The following GPD2 variants were observed in gnomAD, a reference collection of about 807,000 sequenced individuals.
The protein encoded by GPD2 is glycerol-3-phosphate dehydrogenase, mitochondrial.
In GPD2, 54 loss-of-function variants were observed where a neutral mutation model predicts 82.4. The observed-to-expected ratio is 0.66, with a 90% CI of 0.53 to 0.82. GPD2 has a LOEUF of 0.82. Ranked by LOEUF, GPD2 falls within the 40% of genes least tolerant of loss-of-function variation. The probability of loss-of-function intolerance (pLI) is 0.00; values close to 1 mark genes in which losing one functional copy is unlikely to be tolerated. For missense variants in GPD2, 748 were observed against 896.2 expected (o/e 0.83, Z 2.11); for synonymous variants, 288 against 306.1 (o/e 0.94, Z 0.62).
At chr2:156,454,938 C>T (rs1682737395) in intron 1 of GPD2, among the ~76,000 whole-genome samples, 1 of 152,014 alleles carries the variant, frequency 6.6e-6, no homozygotes, top group African/African-American at 2.4e-5. Flanking sequence ...TAAAGGCCTC[C>T]TTGGGGACCA....
intron 6 of GPD2, among the ~76,000 whole-genome samples, chr2:156,525,372 T>C (rs573543159): frequency 3.3e-5 from 5 of 152,334 alleles, no homozygotes; most frequent in Admixed American, 1.3e-4. Flanking sequence ...CTTGAAACTT[T>C]CCTTCCCTAG....
the GPD2 span, among the ~76,000 whole-genome samples, chr2:156,419,745 T>A: frequency 2.0e-5 from 3 of 152,254 alleles, no homozygotes; most frequent in Non-Finnish European, 4.4e-5. Context: ...TCCTTAAATT[T>A]TCACCTAAGT....
intron 3 of GPD2, among the ~76,000 whole-genome samples, chr2:156,497,327 A>G (rs897102845): frequency 1.3e-5 from 2 of 152,190 alleles, no homozygotes; most frequent in African/African-American, 4.8e-5. Flanking sequence ...TAAATTATAG[A>G]TAGTATTATA....
At position 156,452,416 on chromosome 2, in the gene GPD2, C is replaced by G. The variant is rs10933038; in HGVS notation, c.-9+15903C>G. On this transcript the variant is annotated intron_variant, in intron 1 of 16. Transcript: ENST00000438166. ...AAAAAATACAAAAACCAGTCAGGCG[C>G]GGCGGCGCGCACCTGCAATCGCAGG... is the stretch of plus-strand genomic sequence containing the variant. Among the ~76,000 whole-genome samples the G allele has an allele frequency of 2.6e-5, 4 of 152,248 alleles. No homozygotes were observed. In the South Asian group the frequency reaches 8.3e-4, roughly 31 times the overall value.
intron 2 of GPD2, among the ~76,000 whole-genome samples, chr2:156,487,294 A>G (rs1176468392): frequency 6.6e-6 from 1 of 152,116 alleles, no homozygotes; most frequent in Non-Finnish European, 1.5e-5. Context: ...CCTGGGCAAC[A>G]TGGTGAGACT....
At chr2:156,477,331 C>T (rs1016306405) in intron 2 of GPD2, among the ~76,000 whole-genome samples, 4 of 152,076 alleles carry the variant, frequency 2.6e-5, no homozygotes, top group African/African-American at 9.7e-5. Flanking sequence ...ACTCTGGAGG[C>T]TGAGGTGGGA....
chr2:156,483,360 C>T (rs984994337), intron 2 of GPD2, among the ~76,000 whole-genome samples: 1 of 152,124 alleles, frequency 6.6e-6, no homozygotes, highest in Non-Finnish European at 1.5e-5. Context: ...TACTTACAGG[C>T]TTTTTTCTCT....
intron 1 of GPD2, among the ~76,000 whole-genome samples, chr2:156,464,538 CAG>C (rs959553906): frequency 6.6e-6 from 1 of 152,150 alleles, no homozygotes; most frequent in Admixed American, 6.5e-5. Context: ...GTTAAGGAAA[CAG>C]AGTGACTGGT....
Position 156,557,539 on chromosome 2 carries a change from CATTTTGAATGAAGTGCGTA to C in GPD2, c.1126_1144del (p.Leu376ThrfsTer2). On this transcript the variant is annotated frameshift_variant, in exon 9 of 17. Coordinates refer to ENST00000438166, the MANE Select transcript of GPD2 (RefSeq NM_000408.5). LOFTEE classifies it high-confidence loss of function. ...TTCCTTCAGAAGAAGATATCAACTT[CATTTTGAATGAAGTGCGTA>C]ATTACCTGAGTTGTGATGTTGAAGG... The C allele has an allele frequency of 6.2e-7, 1 of 1,603,412 alleles. No homozygotes were observed. Among genetic ancestry groups the C allele is most frequent in the Non-Finnish European group, 8.5e-7 (1 of 1,170,346 alleles).
intron 8 of GPD2, among the ~76,000 whole-genome samples, chr2:156,555,032 G>A (rs967795004): frequency 1.1e-4 from 17 of 152,106 alleles, no homozygotes; most frequent in African/African-American, 3.9e-4. Context: ...GTATACTATC[G>A]CTATAGTTGA....
At chr2:156,538,266 A>G (rs1169009578) in intron 6 of GPD2, among the ~76,000 whole-genome samples, 2 of 152,280 alleles carry the variant, frequency 1.3e-5, no homozygotes, top group Admixed American at 6.5e-5. Flanking sequence ...ATTGATTGGC[A>G]CTAGCCCAAC....
At chr2:156,470,906 A>G (rs759959593) in intron 1 of GPD2, among the ~76,000 whole-genome samples, 2 of 152,236 alleles carry the variant, frequency 1.3e-5, no homozygotes, top group Non-Finnish European at 2.9e-5. Flanking sequence ...TTGTGTAGCA[A>G]TTACATCTGT....
At chr2:156,564,975 A>C (rs965533040) in intron 9 of GPD2, among the ~76,000 whole-genome samples, 1 of 152,128 alleles carries the variant, frequency 6.6e-6, no homozygotes, top group Non-Finnish European at 1.5e-5. Context: ...ATCAATATAG[A>C]TAATGTTTTA....
At chr2:156,438,045 C>G (rs529043343) in intron 1 of GPD2, among the ~76,000 whole-genome samples, 1 of 152,256 alleles carries the variant, frequency 6.6e-6, no homozygotes, top group East Asian at 1.9e-4. Context: ...TTTCAAAACT[C>G]TAATGCCTGG....
intron 3 of GPD2, among the ~76,000 whole-genome samples, chr2:156,509,186 G>T (rs1684896206): frequency 6.6e-6 from 1 of 152,100 alleles, no homozygotes; most frequent in Non-Finnish European, 1.5e-5. Flanking sequence ...TAACTTTTGT[G>T]TTATTTTTCT....
intron 1 of GPD2, among the ~76,000 whole-genome samples, chr2:156,451,205 G>A (rs1471370523): frequency 7.9e-5 from 12 of 151,982 alleles, no homozygotes; most frequent in Middle Eastern, 3.4e-3. Context: ...GGTGGTGGCC[G>A]GGCAGAGGGG....
At chr2:156,495,108 G>A (rs1684319073) in intron 2 of GPD2, among the ~76,000 whole-genome samples, 1 of 152,160 alleles carries the variant, frequency 6.6e-6, no homozygotes, top group Admixed American at 6.5e-5. Flanking sequence ...AGTTTGGAAG[G>A]CCGAGGCAGA....
chr2:156,513,792 C>T (rs1321532257), intron 6 of GPD2, among the ~76,000 whole-genome samples: 1 of 152,180 alleles, frequency 6.6e-6, no homozygotes, highest in Non-Finnish European at 1.5e-5. Flanking sequence ...TCCCCACCCT[C>T]ATGCCATGTA....
chr2:156,504,131 C>A (rs1274936454), intron 3 of GPD2, among the ~76,000 whole-genome samples: 5 of 143,020 alleles, frequency 3.5e-5, no homozygotes, highest in African/African-American at 1.3e-4. Context: ...AAATAAATAA[C>A]CAACTCAATA....
Sources: gnomAD v4.1 joint callset for allele counts (sites outside exome capture counted in the v4.1 genomes callset) on GRCh38, gnomAD v4.1.1 for gene constraint, MANE v1.5 for transcripts, NCBI Gene and HGNC (gene_info 2026-07-23, HGNC 2026-07-21) for gene names.